Variants in PRELID2 observed in about 807,000 individuals in gnomAD.
PRELID2 encodes the protein PRELI domain containing 2, also known as PRELI domain-containing protein 2.
In PRELID2, 25 loss-of-function variants were observed where a neutral mutation model predicts 28.4. That is an observed-to-expected ratio of 0.88 (90% CI 0.64 to 1.23). The LOEUF (loss-of-function observed/expected upper bound fraction) is 1.23. PRELID2 is among the 50% of genes most tolerant of loss of function. The pLI, the probability that PRELID2 is intolerant of heterozygous loss-of-function variation, is 0.00. For synonymous variants in PRELID2, 76 were observed against 71.6 expected (o/e 1.06, Z -0.31); for missense variants, 201 against 214.4 (o/e 0.94, Z 0.39).
At chr5:145,732,608 G>C (rs1756376783) in intron 1 of PRELID2, among the ~76,000 whole-genome samples, 2 of 152,164 alleles carry the variant, frequency 1.3e-5, no homozygotes, top group South Asian at 4.1e-4. Flanking sequence ...GACATTCACT[G>C]TACTGGATAA....
intron 1 of PRELID2, among the ~76,000 whole-genome samples, chr5:145,826,971 C>T (rs1244926380): frequency 6.6e-6 from 1 of 152,140 alleles, no homozygotes; most frequent in African/African-American, 2.4e-5. Flanking sequence ...TGCTTCCCCT[C>T]TCAGAAACAG....
At chr5:145,717,488 G>A (rs191400204) in intron 1 of PRELID2, among the ~76,000 whole-genome samples, 66 of 151,978 alleles carry the variant, frequency 4.3e-4, no homozygotes, top group Middle Eastern at 3.4e-3. Flanking sequence ...TCATATATAC[G>A]CATGTATTTG....
the PRELID2 span, among the ~76,000 whole-genome samples, chr5:145,366,855 A>C: frequency 6.5e-3 from 985 of 151,996 alleles, 10 homozygotes; most frequent in African/African-American, 0.022. Context: ...AAATACTCAA[A>C]AAGTGACACT....
the PRELID2 span, among the ~76,000 whole-genome samples, chr5:145,292,110 A>G: frequency 1.3e-5 from 2 of 152,190 alleles, no homozygotes; most frequent in Non-Finnish European, 2.9e-5. Context: ...GGCTCTACAA[A>G]AAAAAGGTGA....
At chr5:145,255,789 T>G in the PRELID2 span, among the ~76,000 whole-genome samples, 1 of 149,792 alleles carries the variant, frequency 6.7e-6, no homozygotes, top group African/African-American at 2.5e-5. Flanking sequence ...TCAAAAACTA[T>G]ATATATATGT....
At chr5:145,301,352 AC>A in the PRELID2 span, among the ~76,000 whole-genome samples, 1 of 152,142 alleles carries the variant, frequency 6.6e-6, no homozygotes, top group East Asian at 1.9e-4. Flanking sequence ...CAAGACATTT[AC>A]CCATTTTTAT....
At chr5:145,460,179 C>T in the PRELID2 span, among the ~76,000 whole-genome samples, 5 of 152,318 alleles carry the variant, frequency 3.3e-5, no homozygotes, top group Middle Eastern at 3.4e-3. Context: ...GAGACTGCTA[C>T]AACCCAACTG....
the PRELID2 span, among the ~76,000 whole-genome samples, chr5:145,349,018 G>T: frequency 6.6e-6 from 1 of 151,836 alleles, no homozygotes; most frequent in Non-Finnish European, 1.5e-5. Context: ...TGTAAATCTG[G>T]GTGCACATAA....
chr5:145,242,247 T>C, the PRELID2 span, among the ~76,000 whole-genome samples: 15 of 152,042 alleles, frequency 9.9e-5, no homozygotes, highest in Non-Finnish European at 1.5e-4. Flanking sequence ...ACTTTCCACA[T>C]GGTTTACTTT....
At chr5:145,411,714 G>T in the PRELID2 span, among the ~76,000 whole-genome samples, 1 of 152,144 alleles carries the variant, frequency 6.6e-6, no homozygotes, top group Admixed American at 6.5e-5. Context: ...CTGTGTGGGG[G>T]CTCTAATCCC....
intron 1 of PRELID2, among the ~76,000 whole-genome samples, chr5:145,742,204 A>G (rs190198368): frequency 2.4e-4 from 33 of 138,558 alleles, no homozygotes; most frequent in Non-Finnish European, 2.9e-4. Flanking sequence ...AATAATATAT[A>G]AATATACATT....
the PRELID2 span, among the ~76,000 whole-genome samples, chr5:145,258,873 C>G: frequency 1.3e-5 from 2 of 152,112 alleles, no homozygotes; most frequent in Non-Finnish European, 2.9e-5. Flanking sequence ...TTCAGGCCAG[C>G]CCCTCCTATC....
the PRELID2 span, among the ~76,000 whole-genome samples, chr5:145,328,995 G>T: frequency 6.6e-6 from 1 of 152,090 alleles, no homozygotes; most frequent in Non-Finnish European, 1.5e-5. Flanking sequence ...TCTGCATATG[G>T]CTAGCCAGTT....
At chr5:145,791,146 G>A (rs1035603070) in intron 5 of PRELID2, among the ~76,000 whole-genome samples, 7 of 152,048 alleles carry the variant, frequency 4.6e-5, no homozygotes, top group East Asian at 1.9e-4. Context: ...GGCAGAAGGC[G>A]AATGAGGAGC....
chr5:145,329,475 C>G, the PRELID2 span, among the ~76,000 whole-genome samples: 1 of 152,058 alleles, frequency 6.6e-6, no homozygotes, highest in Non-Finnish European at 1.5e-5. Flanking sequence ...GTTTGTAGTT[C>G]TCCTTGAAGA....
chr5:145,626,748 C>A (rs1753851144), intron 1 of PRELID2, among the ~76,000 whole-genome samples: 1 of 152,038 alleles, frequency 6.6e-6, no homozygotes, highest in African/African-American at 2.4e-5. Flanking sequence ...GCACTATTCA[C>A]AATAGCAAAG....
intron 1 of PRELID2, among the ~76,000 whole-genome samples, chr5:145,740,303 TATATATATATATATATAA>T (rs1756629623): frequency 2.1e-5 from 2 of 95,854 alleles, no homozygotes; most frequent in African/African-American, 8.2e-5. Context: ...TATATATATA[TATATATATATATATATAA>T]ATCCTAAATG....
At chr5:145,489,694 A>T (rs1752250482) in intron 1 of PRELID2, among the ~76,000 whole-genome samples, 1 of 152,208 alleles carries the variant, frequency 6.6e-6, no homozygotes, top group Non-Finnish European at 1.5e-5. Flanking sequence ...CAGTGTTGGT[A>T]TGCCATGATT....
intron 5 of PRELID2, among the ~76,000 whole-genome samples, chr5:145,776,577 G>C (rs1374084557): frequency 6.6e-6 from 1 of 152,228 alleles, no homozygotes; most frequent in Non-Finnish European, 1.5e-5. Context: ...AGTGTATGTA[G>C]AGTTCCATAC....
Sources: gnomAD v4.1 joint callset for allele counts (sites outside exome capture counted in the v4.1 genomes callset) on GRCh38, gnomAD v4.1.1 for gene constraint, MANE v1.5 for transcripts, NCBI Gene and HGNC (gene_info 2026-07-23, HGNC 2026-07-21) for gene names.